CIROZ: variants seen among roughly 807,000 people sequenced by gnomAD.
CIROZ encodes ciliated left-right organizer protein containing ZP-N domains.
At chr1:10,948,225 GC>G in the CIROZ span, 1 of 1,613,910 alleles carries the variant, frequency 6.2e-7, no homozygotes, top group Non-Finnish European at 8.5e-7. Context: ...GTGCCCCCTG[GC>G]CCCCTCCCTG....
chr1:10,948,234 C>A, the CIROZ span: 1 of 1,614,006 alleles, frequency 6.2e-7, no homozygotes, highest in Non-Finnish European at 8.5e-7. Flanking sequence ...GGCCCCCTCC[C>A]TGGGGAGACC....
chr1:10,977,037 T>C, the CIROZ span, among the ~76,000 whole-genome samples: 2 of 151,932 alleles, frequency 1.3e-5, no homozygotes, highest in South Asian at 4.2e-4. Context: ...CGCATGCCTG[T>C]AGTCTCAGCT....
the CIROZ span, chr1:10,949,551 G>A: frequency 6.6e-7 from 1 of 1,519,550 alleles, no homozygotes; most frequent in African/African-American, 1.4e-5. Context: ...GGCCCAGCTG[G>A]GTCTACCGAT....
the CIROZ span, among the ~76,000 whole-genome samples, chr1:10,968,697 C>G: frequency 6.6e-6 from 1 of 152,214 alleles, no homozygotes; most frequent in South Asian, 2.1e-4. Context: ...TTTCTCCATC[C>G]CCACCTGGCG....
chr1:10,970,253 C>T, the CIROZ span, among the ~76,000 whole-genome samples: 1 of 152,006 alleles, frequency 6.6e-6, no homozygotes, highest in African/African-American at 2.4e-5. Context: ...ATTGTCCTAA[C>T]AGAGTGACCC....
the CIROZ span, among the ~76,000 whole-genome samples, chr1:10,976,943 A>C: frequency 6.6e-6 from 1 of 152,164 alleles, no homozygotes; most frequent in Non-Finnish European, 1.5e-5. Context: ...GGATGGCTTG[A>C]GCCCAGGAGT....
chr1:10,978,008 A>C, the CIROZ span, among the ~76,000 whole-genome samples: 1 of 151,988 alleles, frequency 6.6e-6, no homozygotes, highest in African/African-American at 2.4e-5. Flanking sequence ...GTCTGTACTA[A>C]AAATACAAAA....
the CIROZ span, among the ~76,000 whole-genome samples, chr1:10,951,456 G>A: frequency 1.3e-5 from 2 of 151,558 alleles, no homozygotes; most frequent in South Asian, 2.1e-4. Flanking sequence ...CCAGCTACTC[G>A]GGAGGCTGAA....
At chr1:10,973,333 A>G in the CIROZ span, among the ~76,000 whole-genome samples, 2 of 152,194 alleles carry the variant, frequency 1.3e-5, no homozygotes, top group Admixed American at 6.5e-5. Flanking sequence ...AGATCATACC[A>G]CTGCACTCCA....
chr1:10,960,977 C>G, the CIROZ span, among the ~76,000 whole-genome samples: 1 of 152,058 alleles, frequency 6.6e-6, no homozygotes, highest in Non-Finnish European at 1.5e-5. This position sits in a 1 kb window ranked among gnomAD's most constrained non-coding sequence, Gnocchi z 4.6. Context: ...TACCTCTGTG[C>G]GACTCTGTTT....
chr1:10,960,329 G>T, the CIROZ span, among the ~76,000 whole-genome samples: 1 of 152,196 alleles, frequency 6.6e-6, no homozygotes, highest in African/African-American at 2.4e-5. This position sits in a 1 kb window ranked among gnomAD's most constrained non-coding sequence, Gnocchi z 4.6. Context: ...GCTTCAACCT[G>T]GGAGGCGGAA....
chr1:10,977,617 T>C, the CIROZ span, among the ~76,000 whole-genome samples: 2 of 152,190 alleles, frequency 1.3e-5, no homozygotes, highest in African/African-American at 2.4e-5. Context: ...TAGATCAGGA[T>C]GCAAATAGAC....
At chr1:10,978,562 T>G in the CIROZ span, among the ~76,000 whole-genome samples, 2 of 151,816 alleles carry the variant, frequency 1.3e-5, no homozygotes, top group Admixed American at 6.6e-5. Context: ...ATTTTAAAAT[T>G]AACCTGGTGT....
chr1:10,979,706 A>G, the CIROZ span, among the ~76,000 whole-genome samples: 1 of 152,312 alleles, frequency 6.6e-6, no homozygotes, highest in African/African-American at 2.4e-5. Flanking sequence ...GAATGGACCC[A>G]TTGTGGTCTA....
the CIROZ span, among the ~76,000 whole-genome samples, chr1:10,951,143 G>T: frequency 4.6e-5 from 7 of 152,162 alleles, no homozygotes; most frequent in African/African-American, 1.7e-4. Flanking sequence ...ACTTTAAAAT[G>T]TGAAAACAGG....
chr1:10,979,693 G>A, the CIROZ span, among the ~76,000 whole-genome samples: 2 of 152,188 alleles, frequency 1.3e-5, no homozygotes, highest in Non-Finnish European at 2.9e-5. Context: ...CCCAGCAGTG[G>A]TAGAATGGAC....
chr1:10,955,004 C>G, the CIROZ span: 1 of 1,603,996 alleles, frequency 6.2e-7, no homozygotes, highest in Non-Finnish European at 8.5e-7. Context: ...ACCTGGAGCA[C>G]CCCGGCCGCC....
chr1:10,957,384 C>T, the CIROZ span, among the ~76,000 whole-genome samples: 1 of 152,282 alleles, frequency 6.6e-6, no homozygotes, highest in Non-Finnish European at 1.5e-5. Context: ...GGTAATTACG[C>T]TCCTGCCGCC....
the CIROZ span, among the ~76,000 whole-genome samples, chr1:10,964,965 T>C: frequency 6.6e-6 from 1 of 152,124 alleles, no homozygotes. Context: ...ATTCCCATTT[T>C]ACAGATGAGG....
Sources: allele counts gnomAD v4.1 joint callset (sites outside exome capture counted in the v4.1 genomes callset), GRCh38; gene constraint gnomAD v4.1.1; non-coding constraint Gnocchi (gnomAD v3.1); transcripts MANE v1.5; gene names NCBI Gene and HGNC (gene_info 2026-07-23, HGNC 2026-07-21).